The following PAPPA variants were observed in gnomAD, a reference collection of about 807,000 sequenced individuals.
PAPPA encodes pappalysin 1.
In PAPPA, 60 loss-of-function variants were observed where a neutral mutation model predicts 164.0. The ratio of observed to expected loss-of-function variants is 0.37; its 90% CI spans 0.30 to 0.45. The LOEUF (loss-of-function observed/expected upper bound fraction) is 0.45. Among genes scored for constraint, PAPPA ranks in the 20% least tolerant of loss-of-function variants. PAPPA has a pLI of 1.00. For synonymous variants in PAPPA, 875 were observed against 814.1 expected (o/e 1.07, Z -1.27); for missense variants, 1,782 against 2,087.3 (o/e 0.85, Z 2.85).
In PAPPA at chr9:116,154,643, C is replaced by T; in HGVS notation, c.415+56C>T. 7.9e-7 allele frequency: 1 copy of T among 1,273,724 alleles called. No homozygotes were observed. Among genetic ancestry groups the T allele is most frequent in the Non-Finnish European group, 9.9e-7 (1 of 1,008,958 alleles). The allele number at this position is 1,273,724 out of a possible 1,614,324, so 78.9% of individuals were successfully genotyped here. ...CCGTCCCTGCGGCCCCAGAGGCTCG[C>T]GGGTGTCTGGGCGCGGGTGGCGGGC... is the stretch of plus-strand genomic sequence containing the variant. On this transcript the variant is annotated intron_variant, in intron 1 of 21. Coordinates refer to ENST00000328252, the MANE Select transcript of PAPPA (RefSeq NM_002581.5). The surrounding 1 kb of genome is among the most constrained non-coding windows in gnomAD (Gnocchi z 5.2).
chr9:116,281,828 A>C (rs917146537), intron 9 of PAPPA, among the ~76,000 whole-genome samples: 2 of 152,164 alleles, frequency 1.3e-5, no homozygotes, highest in African/African-American at 2.4e-5. Context: ...TGCCAGGCCA[A>C]CTGCCTCACA....
intron 9 of PAPPA, among the ~76,000 whole-genome samples, chr9:116,284,343 C>G (rs1217333402): frequency 6.6e-6 from 1 of 152,094 alleles, no homozygotes; most frequent in African/African-American, 2.4e-5. Context: ...TCTTATCTGG[C>G]TCTTTCTTGA....
intron 1 of PAPPA, among the ~76,000 whole-genome samples, chr9:116,159,351 T>G (rs1317287723): frequency 6.6e-6 from 1 of 152,216 alleles, no homozygotes; most frequent in Non-Finnish European, 1.5e-5. Context: ...TTTTCCAGTT[T>G]GCGGCTTTGG....
At chr9:116,353,143 A>G (rs1476002094) in intron 16 of PAPPA, among the ~76,000 whole-genome samples, 1 of 152,252 alleles carries the variant, frequency 6.6e-6, no homozygotes, top group Non-Finnish European at 1.5e-5. Context: ...GTGATCTCAG[A>G]CAAATGACTT....
rs373083822 is a variant in PAPPA at position 116,398,479 on chromosome 9, T to TAAA, written c.*1878_*1880dup. 2,165 of 700,624 alleles carry TAAA rather than the reference T, an allele frequency of 3.1e-3. No homozygotes were observed. The highest frequency in any genetic ancestry group is 9.3e-3 in the South Asian group (453 of 48,744). The allele number at this position is 700,624 out of a possible 1,614,324, so 43.4% of individuals were successfully genotyped here. Reference sequence around the variant, plus strand: ...GGTGTTGTTAATCTATCATAGCACTTAAAAAAAAAAAAAAAAAGAGACCAA... The same window carrying TAAA: ...GGTGTTGTTAATCTATCATAGCACTTAAAAAAAAAAAAAAAAAAAAGAGACCAA... On this transcript the variant is annotated 3_prime_UTR_variant, in exon 22 of 22. Coordinates refer to ENST00000328252, the MANE Select transcript of PAPPA (RefSeq NM_002581.5).
intron 9 of PAPPA, among the ~76,000 whole-genome samples, chr9:116,282,219 T>A (rs78991902): frequency 0.014 from 2,152 of 152,300 alleles, 51 homozygotes; most frequent in African/African-American, 0.05. Context: ...ATACTTCAAA[T>A]CATCTCTAGA....
At chr9:116,264,965 A>G (rs1845049875) in intron 7 of PAPPA, among the ~76,000 whole-genome samples, 1 of 152,102 alleles carries the variant, frequency 6.6e-6, no homozygotes, top group African/African-American at 2.4e-5. Context: ...GGAGGTCTTT[A>G]GGTCAGAGGA....
chr9:116,394,175 G>A (rs1009054172), intron 21 of PAPPA, among the ~76,000 whole-genome samples: 1 of 152,124 alleles, frequency 6.6e-6, no homozygotes, highest in Non-Finnish European at 1.5e-5. Flanking sequence ...CAAGGAGATT[G>A]TTCAAGTGTG....
intron 6 of PAPPA, among the ~76,000 whole-genome samples, chr9:116,230,667 A>G (rs1844579438): frequency 1.3e-5 from 2 of 152,178 alleles, no homozygotes; most frequent in South Asian, 4.1e-4. Flanking sequence ...ACTGCATTTC[A>G]TTAGCTTCAT....
Position 116,399,115 on chromosome 9 carries a change from A to G in PAPPA, c.*2499A>G, listed in dbSNP as rs1328662146. 9 of 165,006 alleles carry G rather than the reference A, an allele frequency of 5.5e-5. 1 individual carries two copies. Among genetic ancestry groups the G allele is most frequent in the Non-Finnish European group, 1.2e-4 (9 of 76,508 alleles). The allele number at this position is 165,006 out of a possible 1,614,324, so 10.2% of individuals were successfully genotyped here. A position where few individuals can be genotyped will look rare whatever the true frequency, so the allele number is the denominator to read the frequency against. ...CAGAAGAACCTTACCAGCTTCCCTCAAATCAGTCCTTATCCTCTTTCTATC... is the reference window on the plus strand; with the variant it reads ...CAGAAGAACCTTACCAGCTTCCCTCGAATCAGTCCTTATCCTCTTTCTATC... On this transcript the variant is annotated 3_prime_UTR_variant, in exon 22 of 22. Coordinates refer to ENST00000328252, the MANE Select transcript of PAPPA (RefSeq NM_002581.5).
intron 11 of PAPPA, 132 bp downstream of exon 11, chr9:116,331,489 C>A: frequency 1.6e-6 from 1 of 623,288 alleles, no homozygotes; most frequent in Non-Finnish European, 2.9e-6. Flanking sequence ...GAACAAAACA[C>A]TTAGCAGTGT....
At chr9:116,166,574 A>G (rs1387623313) in intron 1 of PAPPA, among the ~76,000 whole-genome samples, 2 of 152,114 alleles carry the variant, frequency 1.3e-5, no homozygotes, top group Non-Finnish European at 2.9e-5. Context: ...GGAATTCTCT[A>G]TCCGCTGTTT....
At chr9:116,290,327 G>A (rs139776197) in intron 9 of PAPPA, among the ~76,000 whole-genome samples, 7 of 150,818 alleles carry the variant, frequency 4.6e-5, no homozygotes, top group African/African-American at 1.5e-4. Flanking sequence ...TCATCTACAC[G>A]CTTCTCGATC....
At chr9:116,274,912 T>C (rs766939002) in intron 9 of PAPPA, among the ~76,000 whole-genome samples, 10 of 152,296 alleles carry the variant, frequency 6.6e-5, no homozygotes, top group Non-Finnish European at 1.5e-4. Context: ...AGGGATACTG[T>C]AGACACCATT....
chr9:116,366,024 A>C (rs748468617), intron 18 of PAPPA, among the ~76,000 whole-genome samples: 5 of 152,182 alleles, frequency 3.3e-5, no homozygotes, highest in Non-Finnish European at 5.9e-5. Context: ...TAATACATAC[A>C]TATGTATATT....
intron 14 of PAPPA, among the ~76,000 whole-genome samples, 172 bp from the exon 15 acceptor site, chr9:116,346,854 A>G (rs1374969113): frequency 6.6e-6 from 1 of 152,204 alleles, no homozygotes; most frequent in Non-Finnish European, 1.5e-5. Flanking sequence ...GATCTGAAAT[A>G]TGTAATTCAT....
At chr9:116,229,907 C>G (rs550796559) in intron 6 of PAPPA, among the ~76,000 whole-genome samples, 1 of 152,332 alleles carries the variant, frequency 6.6e-6, no homozygotes, top group South Asian at 2.1e-4. Flanking sequence ...TGAGATGTCT[C>G]TGGCTAAAAT....
chr9:116,347,238 C>A lies in PAPPA; in HGVS notation c.3964+29C>A. 6.4e-7 allele frequency: 1 copy of A among 1,574,464 alleles called. No individual in the cohort carries two copies. Among genetic ancestry groups the A allele is most frequent in the South Asian group, 1.2e-5 (1 of 84,296 alleles). On this transcript the variant is annotated intron_variant, in intron 15 of 21. Coordinates refer to ENST00000328252, the MANE Select transcript of PAPPA (RefSeq NM_002581.5). This position sits in a 1 kb window ranked among gnomAD's most constrained non-coding sequence, Gnocchi z 4.5. ...TCAAGAACGCCTTCCCCAGCTCAGC[C>A]TTCCTTTGTCTATGGGAAACCTAGA...
chr9:116,204,615 T>G (rs764777673), intron 2 of PAPPA, among the ~76,000 whole-genome samples: 3 of 152,072 alleles, frequency 2.0e-5, no homozygotes, highest in Non-Finnish European at 4.4e-5. Context: ...GGGATCTCCC[T>G]GTGTTGCCCA....
Sources: gnomAD v4.1 joint callset for allele counts (sites outside exome capture counted in the v4.1 genomes callset) on GRCh38, gnomAD v4.1.1 for gene constraint, Gnocchi (gnomAD v3.1) non-coding constraint, MANE v1.5 for transcripts, NCBI Gene and HGNC (gene_info 2026-07-23, HGNC 2026-07-21) for gene names.